Variants in CPLX2 observed in about 807,000 individuals in gnomAD.
The protein encoded by CPLX2 is complexin 2.
A neutral mutation model predicts 16.3 loss-of-function variants in CPLX2; 5 were observed. That is an observed-to-expected ratio of 0.31 (90% CI 0.16 to 0.64). The LOEUF is 0.64. CPLX2 is among the 30% of genes least tolerant of loss of function. CPLX2 has a pLI of 0.79. For synonymous variants in CPLX2, 89 were observed against 73.2 expected, an observed-to-expected ratio of 1.22 and a Z score of -1.10; for missense variants, 144 against 181.4, an observed-to-expected ratio of 0.79 and a Z score of 1.18.
At chr5:175,815,129 C>G (rs1216488053) in intron 2 of CPLX2, among the ~76,000 whole-genome samples, 3 of 152,188 alleles carry the variant, frequency 2.0e-5, no homozygotes, top group African/African-American at 7.2e-5. Flanking sequence ...ATCCCTGAGG[C>G]CTCCTTTCTC....
At chr5:175,818,993 G>A (rs1758460929) in intron 2 of CPLX2, among the ~76,000 whole-genome samples, 1 of 152,144 alleles carries the variant, frequency 6.6e-6, no homozygotes, top group South Asian at 2.1e-4. Context: ...TTCATTGGCT[G>A]TTTTTGAACT....
At chr5:175,797,760 G>T (rs3860773) in intron 1 of CPLX2, among the ~76,000 whole-genome samples, 6 of 152,076 alleles carry the variant, frequency 3.9e-5, no homozygotes, top group South Asian at 2.1e-4. Context: ...GAGAAGGCAG[G>T]GGGGAGGGGG....
intron 2 of CPLX2, among the ~76,000 whole-genome samples, chr5:175,838,218 A>C (rs1758872176): frequency 6.7e-6 from 1 of 150,218 alleles, no homozygotes; most frequent in Non-Finnish European, 1.5e-5. Flanking sequence ...CCACCCTTAC[A>C]TTCCTGCATG....
chr5:175,853,821 C>T (rs1257076589), intron 2 of CPLX2, among the ~76,000 whole-genome samples: 1 of 152,146 alleles, frequency 6.6e-6, no homozygotes, highest in Non-Finnish European at 1.5e-5. Flanking sequence ...GCACTTCCCT[C>T]CCCAGCTTCC....
At chr5:175,831,335 T>C (rs1758731959) in intron 2 of CPLX2, among the ~76,000 whole-genome samples, 1 of 152,162 alleles carries the variant, frequency 6.6e-6, no homozygotes, top group South Asian at 2.1e-4. Context: ...GGGAAGGGAC[T>C]TGCTCAAGGC....
At position 175,876,345 on chromosome 5, in the gene CPLX2, T is replaced by C. The variant is rs376874789; in HGVS notation, c.-88-2307T>C. ...ATTAAAACCCCTAGAATGGATGAGTTCTCCCAGGGAAAGATTAGAAAGTAA... is the reference window on the plus strand; with the variant it reads ...ATTAAAACCCCTAGAATGGATGAGTCCTCCCAGGGAAAGATTAGAAAGTAA... On this transcript the variant is annotated intron_variant, in intron 1 of 3. Transcript: ENST00000393745. Among the ~76,000 whole-genome samples, 40 of 151,792 alleles carry C rather than the reference T, an allele frequency of 2.6e-4. No homozygotes were observed. The East Asian group carries it at 7.0e-3, about 27-fold the overall frequency.
intron 2 of CPLX2, among the ~76,000 whole-genome samples, chr5:175,847,742 C>T (rs884908): frequency 0.03 from 4,496 of 152,268 alleles, 218 homozygotes; most frequent in African/African-American, 0.1. Flanking sequence ...TACATGGTGC[C>T]AGTCACAACA....
Position 175,825,879 on chromosome 5 carries a change from G to A in CPLX2, c.-89+16811G>A, listed in dbSNP as rs539665700. The stretch of plus-strand genomic sequence containing the variant: ...CACAGTTGCTCCTCCTGGACCAGGC[G>A]GAGGTGGAGTAATTGACTCTCTGGT... On this transcript the variant is annotated intron_variant, in intron 2 of 4. Coordinates refer to the CPLX2 transcript ENST00000359546. 2.1e-4 allele frequency among the ~76,000 whole-genome samples: 31 copies of A among 149,080 alleles called. 1 individual carries two copies. In the South Asian group the frequency reaches 6.0e-3, roughly 29 times the overall value.
intron 1 of CPLX2, among the ~76,000 whole-genome samples, chr5:175,798,045 G>T (rs1156363046): frequency 6.6e-6 from 1 of 152,174 alleles, no homozygotes; most frequent in Admixed American, 6.5e-5. Flanking sequence ...CAATTTAGTA[G>T]CAAAGCTGGG....
At chr5:175,831,920 T>C (rs934937306) in intron 2 of CPLX2, among the ~76,000 whole-genome samples, 9 of 152,194 alleles carry the variant, frequency 5.9e-5, no homozygotes, top group African/African-American at 2.2e-4. Context: ...AAGGGCCTTC[T>C]AAGCTGGGGG....
chr5:175,813,247 C>G (rs1444866237), intron 2 of CPLX2, among the ~76,000 whole-genome samples: 1 of 152,164 alleles, frequency 6.6e-6, no homozygotes, highest in African/African-American at 2.4e-5. Context: ...TATGGCATTT[C>G]CTCTGAAAAT....
chr5:175,800,682 C>A (rs1379270273), intron 1 of CPLX2, among the ~76,000 whole-genome samples: 1 of 152,174 alleles, frequency 6.6e-6, no homozygotes. Context: ...TGGTGAGCAT[C>A]TCCTCTTCCT....
At chr5:175,840,405 A>G (rs1758924025) in intron 2 of CPLX2, among the ~76,000 whole-genome samples, 1 of 152,218 alleles carries the variant, frequency 6.6e-6, no homozygotes. Context: ...AACAAGATAG[A>G]ATAGAGCTGG....
intron 1 of CPLX2, among the ~76,000 whole-genome samples, chr5:175,800,994 A>G (rs1420696002): frequency 6.6e-6 from 1 of 152,128 alleles, no homozygotes; most frequent in East Asian, 1.9e-4. Flanking sequence ...CCTGGACTGC[A>G]TGGGGACAGA....
At chr5:175,852,100 TC>T (rs1418644453) in intron 2 of CPLX2, among the ~76,000 whole-genome samples, 2 of 152,146 alleles carry the variant, frequency 1.3e-5, no homozygotes, top group Admixed American at 6.5e-5. Flanking sequence ...TGTCAGGAAC[TC>T]AGGAAGTCTT....
At chr5:175,832,657 C>T (rs1047634746) in intron 2 of CPLX2, among the ~76,000 whole-genome samples, 1 of 152,176 alleles carries the variant, frequency 6.6e-6, no homozygotes, top group Non-Finnish European at 1.5e-5. Flanking sequence ...AAGGAATCTT[C>T]CAAACCCAGC....
At chr5:175,860,585 GGGAAGGAAGGAAGGAAGGAAGGAAGGAA>G (rs70988302) in intron 2 of CPLX2, among the ~76,000 whole-genome samples, 1 of 95,610 alleles carries the variant, frequency 1.0e-5, no homozygotes, top group Non-Finnish European at 2.1e-5. Flanking sequence ...GAGGGAGGGA[GGGAAGGAAGGAAGGAAGGAAGGAAGGAA>G]GGAAGGAAGG....
chr5:175,845,141 T>C lies in CPLX2; in HGVS notation c.-88-33511T>C, dbSNP rs950692476. Among the ~76,000 whole-genome samples the C allele has an allele frequency of 1.2e-4, 18 of 152,214 alleles. No homozygotes were observed. The highest frequency in any genetic ancestry group is 3.6e-4 in the African/African-American group (15 of 41,454). ...GTGGCCAACAGATCACTCTCCTGTA[T>C]GTTTTCTCATTTTCTCTTCACAACC... On this transcript the variant is annotated intron_variant, in intron 2 of 4. Transcript: ENST00000359546. The surrounding 1 kb of genome is among the most constrained non-coding windows in gnomAD (Gnocchi z 4.0).
At chr5:175,859,475 A>G (rs1759322045) in intron 2 of CPLX2, among the ~76,000 whole-genome samples, 1 of 152,234 alleles carries the variant, frequency 6.6e-6, no homozygotes, top group Admixed American at 6.5e-5. Context: ...CTGCTCCCAA[A>G]TGGTCTCTTG....
Sources: allele counts gnomAD v4.1 joint callset (sites outside exome capture counted in the v4.1 genomes callset), GRCh38; gene constraint gnomAD v4.1.1; non-coding constraint Gnocchi (gnomAD v3.1); transcripts MANE v1.5; gene names NCBI Gene and HGNC (gene_info 2026-07-23, HGNC 2026-07-21).